The following ME3 variants were observed in gnomAD, a reference collection of about 807,000 sequenced individuals.
ME3 encodes the protein NADP-dependent malic enzyme, mitochondrial.
Under a neutral mutation model 68.9 loss-of-function variants are expected in ME3, and 48 were observed. The observed-to-expected ratio is 0.70, with a 90% CI of 0.55 to 0.89. ME3 has a LOEUF of 0.89. Among genes scored for constraint, ME3 ranks in the 40% least tolerant of loss-of-function variants. The pLI, the probability that ME3 is intolerant of heterozygous loss-of-function variation, is 0.00. For synonymous variants in ME3, 320 were observed against 318.8 expected (o/e 1.00, Z -0.04); for missense variants, 675 against 797.4 (o/e 0.85, Z 1.85).
intron 2 of ME3, among the ~76,000 whole-genome samples, chr11:86,626,541 TA>T (rs539935233): frequency 1.3e-5 from 2 of 152,220 alleles, no homozygotes; most frequent in Non-Finnish European, 2.9e-5. Flanking sequence ...TGCCTTTTAA[TA>T]ATTCCAACTT....
intron 2 of ME3, among the ~76,000 whole-genome samples, chr11:86,664,172 TA>T (rs2135504045): frequency 6.6e-6 from 1 of 152,266 alleles, no homozygotes; most frequent in East Asian, 1.9e-4. Flanking sequence ...ACAGAAACTG[TA>T]ACCTAAAATT....
At chr11:86,509,322 G>T (rs1274237836) in intron 4 of ME3, among the ~76,000 whole-genome samples, 2 of 152,154 alleles carry the variant, frequency 1.3e-5, no homozygotes, top group African/African-American at 2.4e-5. Flanking sequence ...AGACACATGT[G>T]CATGAGGTTC....
chr11:86,494,948 A>G (rs960582202), intron 6 of ME3, among the ~76,000 whole-genome samples: 10 of 152,248 alleles, frequency 6.6e-5, no homozygotes, highest in African/African-American at 1.9e-4. Context: ...AGGCATAGAA[A>G]AATTTTGGAA....
At chr11:86,659,779 T>C (rs1353295849) in intron 2 of ME3, among the ~76,000 whole-genome samples, 1 of 152,196 alleles carries the variant, frequency 6.6e-6, no homozygotes, top group Non-Finnish European at 1.5e-5. Context: ...CCTGTCTCAC[T>C]ATCAGAATCT....
At chr11:86,595,889 C>T (rs1363589093) in intron 2 of ME3, among the ~76,000 whole-genome samples, 3 of 152,210 alleles carry the variant, frequency 2.0e-5, no homozygotes, top group Admixed American at 2.0e-4. Context: ...GGGTGGGCCC[C>T]TCACCATACC....
chr11:86,646,459 T>C (rs567695594), intron 2 of ME3, among the ~76,000 whole-genome samples: 1 of 152,296 alleles, frequency 6.6e-6, no homozygotes, highest in South Asian at 2.1e-4. Context: ...TCAGAGACTG[T>C]AGATTAACTT....
At chr11:86,540,639 G>A (rs1003924330) in intron 4 of ME3, among the ~76,000 whole-genome samples, 3 of 152,288 alleles carry the variant, frequency 2.0e-5, no homozygotes, top group Admixed American at 6.5e-5. Flanking sequence ...CCACTTCAGA[G>A]CACAAAGTAA....
intron 2 of ME3, among the ~76,000 whole-genome samples, chr11:86,568,795 ACAATCTCTTCT>A (rs1565152049): frequency 6.6e-6 from 1 of 152,178 alleles, no homozygotes; most frequent in Non-Finnish European, 1.5e-5. Context: ...TGTGTACTTG[ACAATCTCTTCT>A]CCTTCATTCA....
At chr11:86,553,860 G>T (rs1956807520) in intron 4 of ME3, among the ~76,000 whole-genome samples, 1 of 152,172 alleles carries the variant, frequency 6.6e-6, no homozygotes, top group African/African-American at 2.4e-5. Flanking sequence ...ATGCCCACCA[G>T]CTGTGCACAG....
intron 2 of ME3, among the ~76,000 whole-genome samples, chr11:86,627,655 C>T (rs1450203667): frequency 1.3e-5 from 2 of 152,178 alleles, no homozygotes; most frequent in Non-Finnish European, 2.9e-5. Flanking sequence ...TCTGCCCACT[C>T]TCCTTACTCT....
intron 7 of ME3, among the ~76,000 whole-genome samples, chr11:86,475,874 T>TATATATATATATAGAGAGAG: frequency 2.6e-4 from 24 of 91,460 alleles, no homozygotes; most frequent in African/African-American, 6.5e-4. Flanking sequence ...TATATATATA[T>TATATATATATATAGAGAGAG]AGAGAGAGAG....
At chr11:86,470,656 C>A (rs1038516538) in intron 7 of ME3, among the ~76,000 whole-genome samples, 1 of 152,216 alleles carries the variant, frequency 6.6e-6, no homozygotes, top group African/African-American at 2.4e-5. Flanking sequence ...TGCATCTCAT[C>A]CTCACCACCT....
chr11:86,591,447 G>A (rs117899482), intron 2 of ME3, among the ~76,000 whole-genome samples: 1,882 of 152,306 alleles, frequency 0.012, 15 homozygotes, highest in Middle Eastern at 0.027. Context: ...ATAGCAAGAG[G>A]AGATTAGAAC....
chr11:86,435,968 T>G, the ME3 span: 16,287 of 152,162 alleles, frequency 0.11, 1,412 homozygotes, highest in African/African-American at 0.24. Context: ...ATGCAGCTGG[T>G]GGCCCTCAGC....
chr11:86,498,978 A>T (rs947762152), intron 5 of ME3, among the ~76,000 whole-genome samples: 9 of 152,138 alleles, frequency 5.9e-5, no homozygotes, highest in Admixed American at 5.9e-4. Context: ...TAAAGGAGAG[A>T]TGGAATGTAT....
chr11:86,477,187 A>T (rs552748423), intron 7 of ME3, among the ~76,000 whole-genome samples: 1 of 152,332 alleles, frequency 6.6e-6, no homozygotes, highest in Non-Finnish European at 1.5e-5. Flanking sequence ...TCACTCGTTG[A>T]TAAGTGTTAA....
At chr11:86,548,191 G>T (rs1302161385) in intron 4 of ME3, among the ~76,000 whole-genome samples, 1 of 152,168 alleles carries the variant, frequency 6.6e-6, no homozygotes, top group Non-Finnish European at 1.5e-5. Context: ...CACTTTTTCA[G>T]ATGCAAATCT....
intron 8 of ME3, among the ~76,000 whole-genome samples, chr11:86,458,845 C>T (rs551949782): frequency 1.6e-4 from 25 of 152,286 alleles, no homozygotes; most frequent in African/African-American, 5.8e-4. Context: ...GATGAGCCAG[C>T]CATTCCTGCC....
intron 2 of ME3, among the ~76,000 whole-genome samples, chr11:86,560,744 G>GTATATATATATATA (rs58764893): frequency 9.0e-5 from 6 of 66,918 alleles, no homozygotes; most frequent in Non-Finnish European, 1.5e-4. Context: ...GTGTGTGTGT[G>GTATATATATATATA]TGTGTATATA....
Sources: gnomAD v4.1 joint callset for allele counts (sites outside exome capture counted in the v4.1 genomes callset) on GRCh38, gnomAD v4.1.1 for gene constraint, MANE v1.5 for transcripts, NCBI Gene and HGNC (gene_info 2026-07-23, HGNC 2026-07-21) for gene names.